Variants in ANKFN1 observed in about 807,000 individuals in gnomAD.
The protein encoded by ANKFN1 is ankyrin repeat and fibronectin type-III domain-containing protein 1.
ANKFN1 carries 74 observed loss-of-function variants against 108.7 expected under a neutral mutation model. The ratio of observed to expected loss-of-function variants is 0.68; its 90% CI spans 0.56 to 0.83. ANKFN1 has a LOEUF of 0.83. Among genes scored for constraint, ANKFN1 ranks in the 40% least tolerant of loss-of-function variants. The probability of loss-of-function intolerance (pLI) is 0.00; values close to 1 mark genes in which losing one functional copy is unlikely to be tolerated. For synonymous variants in ANKFN1, 547 were observed against 516.2 expected (o/e 1.06, Z -0.81); for missense variants, 1,505 against 1,382.3 (o/e 1.09, Z -1.41).
At chr17:56,441,076 C>CA (rs796153006) in intron 9 of ANKFN1, among the ~76,000 whole-genome samples, 8 of 151,330 alleles carry the variant, frequency 5.3e-5, no homozygotes, top group South Asian at 2.1e-4. Flanking sequence ...ATATGAAATG[C>CA]AAAAAAAATA....
chr17:56,443,009 C>T, intron 10 of ANKFN1, 76 bp downstream of exon 10: 1 of 1,447,312 alleles, frequency 6.9e-7, no homozygotes, highest in Non-Finnish European at 9.6e-7. Flanking sequence ...GTGCCATTGC[C>T]ATTCCCTTCC....
chr17:56,388,633 T>C (rs1282238295), intron 8 of ANKFN1, among the ~76,000 whole-genome samples: 6 of 152,202 alleles, frequency 3.9e-5, no homozygotes, highest in Non-Finnish European at 8.8e-5. Flanking sequence ...TATATTTCCT[T>C]TTCCATGTAT....
chr17:56,490,077 C>T (rs1165915933), intron 18 of ANKFN1, among the ~76,000 whole-genome samples: 1 of 152,102 alleles, frequency 6.6e-6, no homozygotes. Context: ...GGTCAATAAA[C>T]CTTAATTGAG....
chr17:56,100,385 A>G (rs1173218636), intron 4 of ANKFN1, among the ~76,000 whole-genome samples: 1 of 152,190 alleles, frequency 6.6e-6, no homozygotes, highest in Non-Finnish European at 1.5e-5. Flanking sequence ...AGCATAACCT[A>G]TGGATCCCTG....
At chr17:56,496,955 G>A (rs989227355) in intron 19 of ANKFN1, among the ~76,000 whole-genome samples, 5 of 151,940 alleles carry the variant, frequency 3.3e-5, no homozygotes, top group African/African-American at 1.2e-4. Flanking sequence ...TTTGTGGGTA[G>A]AGATCTAAAG....
chr17:56,455,801 C>T (rs1201045086), intron 11 of ANKFN1, among the ~76,000 whole-genome samples: 1 of 152,194 alleles, frequency 6.6e-6, no homozygotes, highest in Non-Finnish European at 1.5e-5. Context: ...ATTGTACCTG[C>T]AGAGCCTGAT....
At chr17:56,292,053 C>T (rs150615735) in intron 3 of ANKFN1, among the ~76,000 whole-genome samples, 3 of 152,266 alleles carry the variant, frequency 2.0e-5, no homozygotes, top group East Asian at 3.9e-4. Flanking sequence ...CATAGGAGAG[C>T]CAATCAGGTG....
chr17:56,159,978 T>C (rs986717), intron 1 of ANKFN1, among the ~76,000 whole-genome samples: 69,545 of 146,448 alleles, frequency 0.47, 17,619 homozygotes, highest in East Asian at 0.82. Context: ...GGCAGAGAGA[T>C]GGGAGGGGTG....
At chr17:56,385,500 C>T (rs1567962715) in intron 8 of ANKFN1, among the ~76,000 whole-genome samples, 1 of 152,104 alleles carries the variant, frequency 6.6e-6, no homozygotes, top group Non-Finnish European at 1.5e-5. Context: ...AGCTTCTGCA[C>T]AGCAAAAGAA....
intron 4 of ANKFN1, among the ~76,000 whole-genome samples, chr17:56,328,881 C>T (rs1248266047): frequency 6.6e-6 from 1 of 152,146 alleles, no homozygotes; most frequent in African/African-American, 2.4e-5. Context: ...TTCATCCAAT[C>T]ACTAACAAAA....
At chr17:56,085,680 G>A (rs1905303098) in intron 4 of ANKFN1, among the ~76,000 whole-genome samples, 1 of 151,410 alleles carries the variant, frequency 6.6e-6, no homozygotes, top group Non-Finnish European at 1.5e-5. Flanking sequence ...ATCTGTGGAT[G>A]CGCAAGGGAC....
At chr17:56,242,887 A>G (rs1340044177) in intron 3 of ANKFN1, among the ~76,000 whole-genome samples, 1 of 152,070 alleles carries the variant, frequency 6.6e-6, no homozygotes, top group Non-Finnish European at 1.5e-5. Context: ...ATGATTGTGT[A>G]TTTAATTTTA....
intron 14 of ANKFN1, among the ~76,000 whole-genome samples, chr17:56,458,551 TC>T (rs2049793070): frequency 1.3e-5 from 2 of 152,180 alleles, no homozygotes; most frequent in Admixed American, 6.5e-5. Flanking sequence ...TTCCATATTC[TC>T]AGTCACATCA....
rs2051803658 is a variant in ANKFN1 at position 56,512,412 on chromosome 17, C to G, written c.*1143C>G. 6.6e-6 allele frequency among the ~76,000 whole-genome samples: 1 copy of G among 152,160 alleles called. No individual in the cohort carries two copies. The highest frequency in any genetic ancestry group is 6.5e-5 in the Admixed American group (1 of 15,274). On this transcript the variant is annotated 3_prime_UTR_variant, in exon 21 of 21. Transcript: ENST00000682825. Reference sequence around the variant, plus strand: ...CAAATTTGCCTCAAAATCATCTGGCCCAATTGGCATCAGGGAAAATATGCT... The same window carrying G: ...CAAATTTGCCTCAAAATCATCTGGCGCAATTGGCATCAGGGAAAATATGCT...
chr17:56,442,720 G>C (rs1427444775), intron 9 of ANKFN1, 123 bp from the exon 10 acceptor site: 6 of 787,558 alleles, frequency 7.6e-6, no homozygotes, highest in Non-Finnish European at 2.0e-6. Context: ...CTGTTGCATG[G>C]GCAACAGAGT....
At chr17:56,334,441 G>A (rs1005019793) in intron 4 of ANKFN1, among the ~76,000 whole-genome samples, 2 of 151,994 alleles carry the variant, frequency 1.3e-5, no homozygotes, top group African/African-American at 4.8e-5. Context: ...TTATGTCAAA[G>A]CTAATCAAAT....
At position 56,354,000 on chromosome 17, in the gene ANKFN1, C is replaced by T. The variant is rs1349086383; in HGVS notation, c.555C>T (p.Pro185=). ...TTGCCATCATGACCAACAATGTGCC[C>T]ATTGCAAGGATTCTTCTGAGGACAG... ...LDIAIMTNNV[P]IARILLRTGA... The change falls in exon 6 of 21, where the codon CCC becomes CCT. Residue 185 remains proline, a synonymous_variant. Transcript: ENST00000682825. 1.2e-6 allele frequency: 2 copies of T among 1,613,982 alleles called. No homozygotes were observed. Among genetic ancestry groups the T allele is most frequent in the Non-Finnish European group, 1.7e-6 (2 of 1,179,962 alleles).
intron 1 of ANKFN1, among the ~76,000 whole-genome samples, chr17:56,165,444 T>A (rs1910055600): frequency 6.6e-6 from 1 of 152,184 alleles, no homozygotes; most frequent in Admixed American, 6.5e-5. Flanking sequence ...CATTTCCTTG[T>A]CAAGTGAAGT....
Position 56,514,122 on chromosome 17 carries a change from A to G in ANKFN1, c.*2853A>G, listed in dbSNP as rs1051620778. On this transcript the variant is annotated 3_prime_UTR_variant, in exon 21 of 21. Transcript: ENST00000682825. ...TGTCTTTCACTCTTTTTTTAATCCA[A>G]TATGAGAGCCTCTGAAGGAAACTGT... Among the ~76,000 whole-genome samples, 4 of 152,168 alleles carry G rather than the reference A, an allele frequency of 2.6e-5. No homozygotes were observed. The highest frequency in any genetic ancestry group is 2.9e-5 in the Non-Finnish European group (2 of 68,026).
Sources: allele counts gnomAD v4.1 joint callset (sites outside exome capture counted in the v4.1 genomes callset), GRCh38; gene constraint gnomAD v4.1.1; transcripts MANE v1.5; gene names NCBI Gene and HGNC (gene_info 2026-07-23, HGNC 2026-07-21).